Variants in ADCY5 observed in about 807,000 individuals in gnomAD.
ADCY5 encodes adenylate cyclase type 5.
A neutral mutation model predicts 119.7 loss-of-function variants in ADCY5; 30 were observed. The ratio of observed to expected loss-of-function variants is 0.25; its 90% CI spans 0.19 to 0.34. ADCY5 has a LOEUF of 0.34. Among genes scored for constraint, ADCY5 ranks in the 10% least tolerant of loss-of-function variants. The pLI, the probability that ADCY5 is intolerant of heterozygous loss-of-function variation, is 1.00. For missense variants in ADCY5, 1,324 were observed against 1,775.2 expected (o/e 0.75, Z 4.57); for synonymous variants, 753 against 762.2 (o/e 0.99, Z 0.20).
chr3:123,379,875 A>G (rs1310336568), intron 1 of ADCY5, among the ~76,000 whole-genome samples: 3 of 152,186 alleles, frequency 2.0e-5, no homozygotes, highest in Non-Finnish European at 4.4e-5. Flanking sequence ...TTTCTAATCA[A>G]GCCTACTCTA....
chr3:123,290,760 A>G (rs1383525857), intron 18 of ADCY5, among the ~76,000 whole-genome samples: 6 of 152,122 alleles, frequency 3.9e-5, no homozygotes, highest in African/African-American at 1.2e-4. Flanking sequence ...CCTAGATGGC[A>G]CAAGAGGAAT....
chr3:123,310,918 T>C (rs1940536097), intron 12 of ADCY5, among the ~76,000 whole-genome samples: 1 of 151,796 alleles, frequency 6.6e-6, no homozygotes, highest in Non-Finnish European at 1.5e-5. Context: ...AGGCCCGAGA[T>C]AAAAAGGCCA....
intron 19 of ADCY5, among the ~76,000 whole-genome samples, chr3:123,289,511 T>C (rs1939004901): frequency 6.6e-6 from 1 of 152,260 alleles, no homozygotes; most frequent in South Asian, 2.1e-4. Flanking sequence ...CCTACCCATG[T>C]GGCCCTCATG....
chr3:123,387,224 A>G (rs1248972603), intron 1 of ADCY5, among the ~76,000 whole-genome samples: 1 of 152,256 alleles, frequency 6.6e-6, no homozygotes, highest in African/African-American at 2.4e-5. Flanking sequence ...GAGCTATTCC[A>G]AGAATAATCT....
At chr3:123,417,857 G>T (rs1005625549) in intron 1 of ADCY5, among the ~76,000 whole-genome samples, 2 of 152,188 alleles carry the variant, frequency 1.3e-5, no homozygotes, top group African/African-American at 4.8e-5. Flanking sequence ...CTCCGAAAAT[G>T]ATATAAATGA....
In ADCY5 at chr3:123,286,296, C is replaced by G. The variant is rs1293602170; in HGVS notation, c.3657+389G>C. 1.3e-5 allele frequency among the ~76,000 whole-genome samples: 2 copies of G among 152,164 alleles called. No homozygotes were observed. Among genetic ancestry groups the G allele is most frequent in the African/African-American group, 4.8e-5 (2 of 41,436 alleles). On this transcript the variant is annotated intron_variant, in intron 20 of 20. Transcript: ENST00000462833. This position sits in a 1 kb window ranked among gnomAD's most constrained non-coding sequence, Gnocchi z 4.2. ...CCCCACTGGCTCTCCTGAGCCAGGC[C>G]AGGAGTGCTGCAGGCTCAATGGGTA...
intron 2 of ADCY5, among the ~76,000 whole-genome samples, chr3:123,349,507 G>T (rs894025797): frequency 1.3e-5 from 2 of 152,090 alleles, no homozygotes; most frequent in African/African-American, 4.8e-5. Flanking sequence ...CCTGACGCCT[G>T]CACAGCCCCG....
At chr3:123,408,178 A>C (rs150633673) in intron 1 of ADCY5, among the ~76,000 whole-genome samples, 5 of 152,278 alleles carry the variant, frequency 3.3e-5, no homozygotes, top group Admixed American at 6.5e-5. Flanking sequence ...ACATTAAGCA[A>C]ATCATGGAAC....
At chr3:123,308,472 T>C (rs1338518971) in intron 12 of ADCY5, among the ~76,000 whole-genome samples, 1 of 152,220 alleles carries the variant, frequency 6.6e-6, no homozygotes, top group Non-Finnish European at 1.5e-5. Context: ...TCTCATCTCC[T>C]ATAATTAGAG....
intron 1 of ADCY5, among the ~76,000 whole-genome samples, chr3:123,382,305 C>T (rs146803126): frequency 4.7e-4 from 72 of 152,292 alleles, no homozygotes; most frequent in African/African-American, 1.7e-3. Context: ...TCAGAACCTC[C>T]AGGCATTGCT....
intron 1 of ADCY5, among the ~76,000 whole-genome samples, chr3:123,440,274 G>A (rs1461302655): frequency 1.3e-5 from 2 of 152,212 alleles, no homozygotes; most frequent in African/African-American, 4.8e-5. Context: ...AGCCCTGAAG[G>A]GGAAGGCAGA....
chr3:123,441,749 T>C (rs1945725629), intron 1 of ADCY5, among the ~76,000 whole-genome samples: 1 of 152,184 alleles, frequency 6.6e-6, no homozygotes, highest in Admixed American at 6.5e-5. Flanking sequence ...TCACTCTCCT[T>C]TGAAGTCTAG....
intron 5 of ADCY5, among the ~76,000 whole-genome samples, chr3:123,329,544 T>C (rs1194294951): frequency 1.3e-5 from 2 of 152,166 alleles, no homozygotes; most frequent in Non-Finnish European, 2.9e-5. Flanking sequence ...CTGAGGCCCA[T>C]GGGAACCTGC....
chr3:123,286,637 C>A lies in ADCY5; in HGVS notation c.3657+48G>T. The A allele has an allele frequency of 6.5e-7, 1 of 1,545,934 alleles. No homozygotes were observed. The highest frequency in any genetic ancestry group is 8.7e-7 in the Non-Finnish European group (1 of 1,151,186). On this transcript the variant is annotated intron_variant, in intron 20 of 20. Transcript: ENST00000462833. The surrounding 1 kb of genome is among the most constrained non-coding windows in gnomAD (Gnocchi z 4.2). ...GCCCTGAAGACCTCTCGGTGTCAGACACAGGACCTCCCATGGGGTGAGGGG... is the reference window on the plus strand; with the variant it reads ...GCCCTGAAGACCTCTCGGTGTCAGAAACAGGACCTCCCATGGGGTGAGGGG...
intron 15 of ADCY5, 146 bp from the exon 16 acceptor site, chr3:123,297,528 C>T (rs1559784852): frequency 2.4e-5 from 22 of 931,404 alleles, no homozygotes; most frequent in South Asian, 5.4e-5. Flanking sequence ...CCATATCCAA[C>T]GACATTTTCA....
At chr3:123,318,640 G>C (rs1250579935) in intron 10 of ADCY5, among the ~76,000 whole-genome samples, 1 of 152,220 alleles carries the variant, frequency 6.6e-6, no homozygotes. Context: ...CAGTCACCCA[G>C]AGTAACACCC....
intron 1 of ADCY5, among the ~76,000 whole-genome samples, chr3:123,366,257 C>T (rs1943433507): frequency 6.6e-6 from 1 of 152,200 alleles, no homozygotes; most frequent in Non-Finnish European, 1.5e-5. Flanking sequence ...GGAGGCAGGA[C>T]AGGAGGGACC....
In ADCY5 at chr3:123,426,733, G is replaced by A. The variant is rs138685978; in HGVS notation, c.1134+20679C>T. Among the ~76,000 whole-genome samples the A allele has an allele frequency of 4.0e-3, 612 of 152,316 alleles. 2 individuals carry two copies. The highest frequency in any genetic ancestry group is 0.014 in the African/African-American group (585 of 41,578). On this transcript the variant is annotated intron_variant, in intron 1 of 20. Coordinates refer to ENST00000462833, the MANE Select transcript of ADCY5 (RefSeq NM_183357.3). Reference sequence around the variant, plus strand: ...GGCAGCCCCTGAGAAAGGAAGCTATGTGGAGGTTGGCGCAAGGAGCCTGTA... The same window carrying A: ...GGCAGCCCCTGAGAAAGGAAGCTATATGGAGGTTGGCGCAAGGAGCCTGTA...
At chr3:123,429,922 G>A (rs1945489830) in intron 1 of ADCY5, among the ~76,000 whole-genome samples, 2 of 152,300 alleles carry the variant, frequency 1.3e-5, no homozygotes, top group South Asian at 2.1e-4. Context: ...TGGGGGTGGG[G>A]TGTGGAGACC....
Sources: allele counts gnomAD v4.1 joint callset (sites outside exome capture counted in the v4.1 genomes callset), GRCh38; gene constraint gnomAD v4.1.1; non-coding constraint Gnocchi (gnomAD v3.1); transcripts MANE v1.5; gene names NCBI Gene and HGNC (gene_info 2026-07-23, HGNC 2026-07-21).